CHD4: variants seen among roughly 807,000 people sequenced by gnomAD.
CHD4 encodes the protein chromodomain helicase DNA binding protein 4.
Under a neutral mutation model 235.5 loss-of-function variants are expected in CHD4, and 35 were observed. The ratio of observed to expected loss-of-function variants is 0.15; its 90% CI spans 0.11 to 0.20. The LOEUF (loss-of-function observed/expected upper bound fraction) is 0.20, where lower values mean the gene tolerates loss of function less well. CHD4 is among the 10% of genes least tolerant of loss of function. CHD4 has a pLI of 1.00. For synonymous variants in CHD4, 900 were observed against 850.2 expected (o/e 1.06, Z -1.02); for missense variants, 1,329 against 2,432.3 (o/e 0.55, Z 9.54).
At chr12:6,606,915 C>CGGGGACGA (rs1258710298) in intron 1 of CHD4, 1 of 104,424 alleles carries the variant, frequency 9.6e-6, no homozygotes, top group African/African-American at 3.8e-5. Context: ...TCAAGAGCTG[C>CGGGGACGA]GGGGACGAGG....
At chr12:6,571,069 G>GC (rs779021444) in intron 38 of CHD4, 37 bp from the exon 39 acceptor site, 4 of 1,606,190 alleles carry the variant, frequency 2.5e-6, no homozygotes, top group Non-Finnish European at 3.4e-6. Flanking sequence ...AGCTGTGGTG[G>GC]CCCAGACTGA....
intron 37 of CHD4, among the ~76,000 whole-genome samples, chr12:6,576,731 C>G (rs2136195066): frequency 6.6e-6 from 1 of 152,210 alleles, no homozygotes; most frequent in African/African-American, 2.4e-5. Flanking sequence ...CTTTCTTATG[C>G]CAATCAGCAA....
At chr12:6,581,909 T>G (rs1948199719) in intron 30 of CHD4, 95 bp from the exon 31 acceptor site, 1 of 1,402,778 alleles carries the variant, frequency 7.1e-7, no homozygotes, top group Admixed American at 2.6e-5. Flanking sequence ...TTCAAGCAAT[T>G]CTCCTGCCTC....
chr12:6,606,414 T>C lies in CHD4; in HGVS notation c.-41A>G. ...GCCAGGGAATTGGCCCAGCTGCTCCTGCCGGCGGCCTGAGGACCTCTACAC... is the reference window on the plus strand; with the variant it reads ...GCCAGGGAATTGGCCCAGCTGCTCCCGCCGGCGGCCTGAGGACCTCTACAC... On this transcript the variant is annotated 5_prime_UTR_variant, in exon 2 of 40. Coordinates refer to ENST00000544040, the MANE Select transcript of CHD4 (RefSeq NM_001273.5). The C allele has an allele frequency of 6.8e-7, 1 of 1,463,338 alleles. No individual in the cohort carries two copies. The highest frequency in any genetic ancestry group is 1.2e-5 in the South Asian group (1 of 83,030). The allele number at this position is 1,463,338 out of a possible 1,614,324, so 90.6% of individuals were successfully genotyped here.
intron 39 of CHD4, 88 bp from the exon 40 acceptor site, chr12:6,570,781 G>A (rs1242283464): frequency 9.9e-6 from 16 of 1,611,594 alleles, no homozygotes; most frequent in Middle Eastern, 1.7e-4. Flanking sequence ...CACCCACCCA[G>A]TATGTAAAGC....
chr12:6,573,690 T>G (rs1210061826), intron 37 of CHD4, among the ~76,000 whole-genome samples: 1 of 152,178 alleles, frequency 6.6e-6, no homozygotes, highest in African/African-American at 2.4e-5. Context: ...CAGTTAAGCA[T>G]CTTCCTTTTT....
In CHD4 at chr12:6,594,139, C is replaced by T. The variant is rs1948445646; in HGVS notation, c.2313+320G>A. Among the ~76,000 whole-genome samples the T allele has an allele frequency of 2.6e-5, 4 of 151,988 alleles. No individual in the cohort carries two copies. The South Asian group carries it at 8.3e-4, about 32-fold the overall frequency. On this transcript the variant is annotated intron_variant, in intron 15 of 39. Coordinates refer to ENST00000544040, the MANE Select transcript of CHD4 (RefSeq NM_001273.5). The stretch of plus-strand genomic sequence containing the variant: ...TATGAGCCACTGCGTCCAGCCAAGC[C>T]TTTCCATACTAATTCTACTCATAAT...
intron 11 of CHD4, 25 bp from the exon 12 acceptor site, chr12:6,598,124 C>A: frequency 6.2e-7 from 1 of 1,613,714 alleles, no homozygotes. Context: ...AGAAAATCAG[C>A]CACCAAGAAG....
chr12:6,581,870 TA>T, intron 30 of CHD4, 56 bp from the exon 31 acceptor site: 1 of 1,489,216 alleles, frequency 6.7e-7, no homozygotes, highest in Non-Finnish European at 8.9e-7. Context: ...GCTCCTTTCC[TA>T]TTGGCCTTCC....
intron 11 of CHD4, 38 bp from the exon 12 acceptor site, chr12:6,598,137 G>C (rs1461313346): frequency 6.2e-7 from 1 of 1,612,776 alleles, no homozygotes; most frequent in South Asian, 1.1e-5. Flanking sequence ...CCAAGAAGCT[G>C]TGTTCATTCC....
intron 12 of CHD4, among the ~76,000 whole-genome samples, chr12:6,597,344 T>TA (rs1173306269): frequency 1.3e-5 from 2 of 152,098 alleles, no homozygotes; most frequent in African/African-American, 4.8e-5. Flanking sequence ...CTCACGCCTG[T>TA]AATCCTAACA....
chr12:6,598,187 G>A lies in CHD4; in HGVS notation c.1686+35C>T, dbSNP rs150605497. ...CTCTTTTGTCACTATCCTCTTCATC[G>A]TAGCCCCTACATCTCCAGACTATCC... is the stretch of plus-strand genomic sequence containing the variant. On this transcript the variant is annotated intron_variant, in intron 11 of 39. Coordinates refer to ENST00000544040, the MANE Select transcript of CHD4 (RefSeq NM_001273.5). 2.3e-4 allele frequency: 376 copies of A among 1,608,240 alleles called. 2 individuals carry two copies. In the African/African-American group the frequency reaches 4.3e-3, roughly 18 times the overall value.
At chr12:6,589,732 A>G (rs1246622431) in intron 22 of CHD4, among the ~76,000 whole-genome samples, 7 of 150,984 alleles carry the variant, frequency 4.6e-5, no homozygotes. Flanking sequence ...AGGCCACTGC[A>G]CTCCAGCCTG....
At position 6,593,131 on chromosome 12, in the gene CHD4, A is replaced by C. The variant is rs1288827890; in HGVS notation, c.2612T>G (p.Ile871Ser). Residue 871 changes from isoleucine (I) to serine (S), a missense_variant, in exon 17 of 40, where the codon ATC becomes AGC. Around this residue, in one of 26 missense-constraint regions of CHD4, gnomAD observed 78 missense variants for 174.8 expected, o/e 0.45. Transcript: ENST00000544040. This position sits in a 1 kb window ranked among gnomAD's most constrained non-coding sequence, Gnocchi z 4.9. ...CTTCAGCCGATGGGCTTCATCCACG[A>C]TGAGGCAGGCCCAATCAATAGAGCC... ...ILGSIDWACL[I>S]VDEAHRLKNN... 6.2e-7 allele frequency: 1 copy of C among 1,614,186 alleles called. No individual in the cohort carries two copies.
chr12:6,586,994 G>A (rs923761752), intron 25 of CHD4: 6 of 174,376 alleles, frequency 3.4e-5, no homozygotes, highest in Admixed American at 1.8e-4. Context: ...CACTGCACCT[G>A]GTAGAGACCC....
At chr12:6,585,383 C>T (rs1224366261) in intron 25 of CHD4, among the ~76,000 whole-genome samples, 4 of 151,844 alleles carry the variant, frequency 2.6e-5, no homozygotes, top group African/African-American at 9.7e-5. Flanking sequence ...CTCCCAGGTA[C>T]AAGTGATTCT....
At chr12:6,577,971 TA>T in intron 36 of CHD4, 54 bp from the exon 37 acceptor site, 1 of 1,611,802 alleles carries the variant, frequency 6.2e-7, no homozygotes, top group South Asian at 1.1e-5. Flanking sequence ...AACCTCAAAC[TA>T]AAAGACCTTC....
intron 7 of CHD4, 108 bp downstream of exon 7, chr12:6,600,818 A>G: frequency 6.7e-7 from 1 of 1,501,002 alleles, no homozygotes; most frequent in Non-Finnish European, 9.0e-7. Context: ...TCTGTGGGAA[A>G]CGCCCCACAT....
At chr12:6,591,304 A>G in intron 22 of CHD4, 162 bp downstream of exon 22, 1 of 599,924 alleles carries the variant, frequency 1.7e-6, no homozygotes, top group South Asian at 2.2e-5. Flanking sequence ...TCCTAGGAAT[A>G]GTCCAATACA....
Sources: allele counts gnomAD v4.1 joint callset (sites outside exome capture counted in the v4.1 genomes callset), GRCh38; gene constraint gnomAD v4.1.1; regional missense constraint gnomAD v4.1.1; non-coding constraint Gnocchi (gnomAD v3.1); transcripts MANE v1.5; gene names NCBI Gene and HGNC (gene_info 2026-07-23, HGNC 2026-07-21).